Variants in FAM168A observed in about 807,000 individuals in gnomAD.
FAM168A encodes the protein family with sequence similarity 168 member A, also known as protein FAM168A.
FAM168A carries 3 observed loss-of-function variants against 28.5 expected under a neutral mutation model. The observed-to-expected ratio is 0.11, with a 90% CI of 0.05 to 0.27. The LOEUF (loss-of-function observed/expected upper bound fraction) is 0.27. FAM168A is among the 10% of genes least tolerant of loss of function. The pLI is 1.00. For missense variants in FAM168A, 222 were observed against 311.5 expected (o/e 0.71, Z 2.16); for synonymous variants, 122 against 124.2 (o/e 0.98, Z 0.12).
At chr11:73,569,653 C>A (rs1944062735) in intron 1 of FAM168A, among the ~76,000 whole-genome samples, 1 of 151,982 alleles carries the variant, frequency 6.6e-6, no homozygotes, top group Non-Finnish European at 1.5e-5. Flanking sequence ...GAAACCCTGT[C>A]TCTACTAAAA....
chr11:73,479,528 T>C (rs1006065072), intron 1 of FAM168A, among the ~76,000 whole-genome samples: 5 of 152,128 alleles, frequency 3.3e-5, no homozygotes, highest in African/African-American at 1.2e-4. Flanking sequence ...GAGCATGCAA[T>C]CTGAGGGAAA....
In FAM168A at chr11:73,459,760, C is replaced by G. The variant is rs377603469; in HGVS notation, c.70+8645G>C. On this transcript the variant is annotated intron_variant, in intron 2 of 7. Transcript: ENST00000356467. The stretch of plus-strand genomic sequence containing the variant: ...AACCAAGTAGGCAAGGAAAGAGGGT[C>G]TCTTGTTTTCTCTGAGGGTCTCTGC... Among the ~76,000 whole-genome samples the G allele has an allele frequency of 7.9e-5, 12 of 152,100 alleles. No homozygotes were observed. In the East Asian group the frequency reaches 2.1e-3, roughly 27 times the overall value.
chr11:73,522,945 G>A (rs1565282451), intron 1 of FAM168A, among the ~76,000 whole-genome samples: 1 of 151,906 alleles, frequency 6.6e-6, no homozygotes, highest in Non-Finnish European at 1.5e-5. Context: ...CCCAGGAGGT[G>A]GAGGTTGCAG....
At chr11:73,519,130 C>G (rs1236993139) in intron 1 of FAM168A, among the ~76,000 whole-genome samples, 2 of 152,146 alleles carry the variant, frequency 1.3e-5, no homozygotes, top group Non-Finnish European at 2.9e-5. Context: ...TCTCCCATCC[C>G]ACATGCTCTA....
intron 1 of FAM168A, among the ~76,000 whole-genome samples, chr11:73,562,034 C>T (rs112380071): frequency 2.8e-4 from 42 of 152,296 alleles, no homozygotes; most frequent in African/African-American, 9.6e-4. Flanking sequence ...CCTCCACCTC[C>T]CAGGTTCAAG....
In FAM168A at chr11:73,403,010, C is replaced by T. The variant is rs1215494873; in HGVS notation, c.*3753G>A. ...AGCAGAGGATTTGAAGAATCACTTCCAAGCTGTGTGACCTTTTAGCAAGTC... is the reference window on the plus strand; with the variant it reads ...AGCAGAGGATTTGAAGAATCACTTCTAAGCTGTGTGACCTTTTAGCAAGTC... On this transcript the variant is annotated 3_prime_UTR_variant, in exon 8 of 8. Coordinates refer to ENST00000356467, the MANE Select transcript of FAM168A (RefSeq NM_015159.3). 1.3e-5 allele frequency: 2 copies of T among 152,188 alleles called. No homozygotes were observed. Among genetic ancestry groups the T allele is most frequent in the East Asian group, 3.8e-4 (2 of 5,198 alleles). 9.4% of individuals were successfully genotyped at this position (152,188 alleles called of 1,614,324 possible). A position where few individuals can be genotyped will look rare whatever the true frequency, so the allele number is the denominator to read the frequency against.
chr11:73,433,076 C>CTTTTTTTTTTTTTTTTTT (rs34994742), intron 2 of FAM168A, among the ~76,000 whole-genome samples: 15 of 80,602 alleles, frequency 1.9e-4, no homozygotes, highest in African/African-American at 1.0e-3. Flanking sequence ...CACGCCCCGC[C>CTTTTTTTTTTTTTTTTTT]TTTTTTTTTT....
chr11:73,580,372 CAA>C, intron 1 of FAM168A: 1 of 606,988 alleles, frequency 1.6e-6, no homozygotes, highest in Non-Finnish European at 3.2e-6. Flanking sequence ...GAGCCCAGGC[CAA>C]AAAAGCCCCT....
chr11:73,407,484 C>T (rs1866527302), intron 7 of FAM168A, 29 bp downstream of exon 7: 2 of 1,475,694 alleles, frequency 1.4e-6, no homozygotes, highest in Middle Eastern at 2.0e-4. Context: ...GTATCCCCCT[C>T]CCACTTCTCT....
intron 4 of FAM168A, among the ~76,000 whole-genome samples, chr11:73,415,629 G>A (rs962763196): frequency 1.3e-5 from 2 of 152,180 alleles, no homozygotes; most frequent in Non-Finnish European, 1.5e-5. Context: ...ATTTACTAGT[G>A]GTCCTGTCAA....
At chr11:73,565,637 T>A (rs1056643156) in intron 1 of FAM168A, among the ~76,000 whole-genome samples, 1 of 147,838 alleles carries the variant, frequency 6.8e-6, no homozygotes, top group Non-Finnish European at 1.5e-5. Flanking sequence ...CAGTAAATAT[T>A]AGTTATGTTC....
rs111906921 is a variant in FAM168A at position 73,464,864 on chromosome 11, C to CTT, written c.70+3540_70+3541insAA. Among the ~76,000 whole-genome samples the CTT allele has an allele frequency of 1.2e-3, 184 of 148,556 alleles. 3 individuals are homozygous for CTT. The highest frequency in any genetic ancestry group is 4.0e-3 in the African/African-American group (162 of 40,388). ...GAAGGCATTCCTAACCCTGTTTTAT[C>CTT]ATTTTTTTTTTTTAAAACAAATGAT... On this transcript the variant is annotated intron_variant, in intron 2 of 7. Transcript: ENST00000356467.
chr11:73,546,127 T>C (rs911381845), intron 1 of FAM168A, among the ~76,000 whole-genome samples: 1 of 152,198 alleles, frequency 6.6e-6, no homozygotes, highest in Admixed American at 6.6e-5. Flanking sequence ...AACCAAAGAC[T>C]AAGATCATAA....
At chr11:73,422,787 CGAGAGA>C (rs34383017) in intron 3 of FAM168A, among the ~76,000 whole-genome samples, 173 of 151,538 alleles carry the variant, frequency 1.1e-3, no homozygotes, top group African/African-American at 3.9e-3. Context: ...CTCAATTAAA[CGAGAGA>C]GAGAGAGAGA....
chr11:73,445,811 T>TA (rs1410241161), intron 2 of FAM168A, among the ~76,000 whole-genome samples: 3 of 152,218 alleles, frequency 2.0e-5, no homozygotes, highest in African/African-American at 4.8e-5. Context: ...GCAAGACACT[T>TA]ACAGCCCTTA....
chr11:73,417,146 G>A (rs952964747), intron 4 of FAM168A, among the ~76,000 whole-genome samples: 3 of 152,168 alleles, frequency 2.0e-5, no homozygotes, highest in Non-Finnish European at 2.9e-5. Context: ...TCCATTTTTG[G>A]AGATGGTTTG....
chr11:73,400,859 T>C lies in FAM168A; in HGVS notation c.*5904A>G, dbSNP rs1866391849. 6.6e-6 allele frequency: 1 copy of C among 151,904 alleles called. No individual in the cohort carries two copies. Among genetic ancestry groups the C allele is most frequent in the South Asian group, 2.1e-4 (1 of 4,830 alleles). The allele number at this position is 151,904 out of a possible 1,614,324, so 9.4% of individuals were successfully genotyped here. On this transcript the variant is annotated 3_prime_UTR_variant, in exon 8 of 8. Transcript: ENST00000356467. The stretch of plus-strand genomic sequence containing the variant: ...GTTCTACAGCTTACAGTAAATACCA[T>C]AGTTACAAATTCTTGGCTTCAATCT...
At chr11:73,511,840 G>A (rs1400613762) in intron 1 of FAM168A, among the ~76,000 whole-genome samples, 1 of 152,154 alleles carries the variant, frequency 6.6e-6, no homozygotes, top group African/African-American at 2.4e-5. Context: ...TAAGATACAT[G>A]AGAAGCACAT....
At chr11:73,507,462 C>A (rs1016431653) in intron 1 of FAM168A, among the ~76,000 whole-genome samples, 2 of 152,058 alleles carry the variant, frequency 1.3e-5, no homozygotes, top group African/African-American at 4.8e-5. Flanking sequence ...ATAACAGACA[C>A]TGAGGCCTAC....
Sources: allele counts gnomAD v4.1 joint callset (sites outside exome capture counted in the v4.1 genomes callset), GRCh38; gene constraint gnomAD v4.1.1; transcripts MANE v1.5; gene names NCBI Gene and HGNC (gene_info 2026-07-23, HGNC 2026-07-21).